The following FABP12 variants were observed in gnomAD, a reference collection of about 807,000 sequenced individuals.
FABP12 encodes the protein fatty acid-binding protein 12.
In FABP12, 19 loss-of-function variants were observed where a neutral mutation model predicts 13.7. That is an observed-to-expected ratio of 1.39 (90% CI 0.97 to 2.04). The LOEUF (loss-of-function observed/expected upper bound fraction) is 2.04. FABP12 is among the 30% of genes most tolerant of loss of function. FABP12 has a pLI of 0.00. For synonymous variants in FABP12, 61 were observed against 57.0 expected, an observed-to-expected ratio of 1.07 and a Z score of -0.32; for missense variants, 182 against 164.2, an observed-to-expected ratio of 1.11 and a Z score of -0.59.
At position 81,590,110 on chromosome 8, in the gene FABP12, C is replaced by T. The variant is rs144129213; in HGVS notation, c.-242G>A. Reference sequence around the variant, plus strand: ...CTGAGGAAAGACCATGGGACTTCCACCTGCATGTTATGCAGAGGCAGCACT... The same window carrying T: ...CTGAGGAAAGACCATGGGACTTCCATCTGCATGTTATGCAGAGGCAGCACT... On this transcript the variant is annotated 5_prime_UTR_variant, in exon 1 of 6. Transcript: ENST00000692030. Among the ~76,000 whole-genome samples, 84 of 152,294 alleles carry T rather than the reference C, an allele frequency of 5.5e-4. No homozygotes were observed. In the East Asian group the frequency reaches 0.012, roughly 22 times the overall value.
intron 1 of FABP12, among the ~76,000 whole-genome samples, chr8:81,542,916 T>G (rs1585842534): frequency 6.6e-6 from 1 of 151,790 alleles, no homozygotes; most frequent in Non-Finnish European, 1.5e-5. Context: ...GGGTGGGAGG[T>G]GTGGAGGACA....
chr8:81,589,301 A>C (rs1020239230), intron 1 of FABP12, among the ~76,000 whole-genome samples: 4 of 152,204 alleles, frequency 2.6e-5, no homozygotes, highest in Non-Finnish European at 4.4e-5. Flanking sequence ...TCATGCCTAT[A>C]ATCTCAGCAC....
At chr8:81,541,471 C>A (rs1280353153) in intron 1 of FABP12, among the ~76,000 whole-genome samples, 1 of 152,024 alleles carries the variant, frequency 6.6e-6, no homozygotes, top group Non-Finnish European at 1.5e-5. Context: ...CTTTTGAGAC[C>A]CCCACGCTCA....
chr8:81,568,681 T>A (rs775721717), intron 1 of FABP12, among the ~76,000 whole-genome samples: 1 of 152,194 alleles, frequency 6.6e-6, no homozygotes, highest in Non-Finnish European at 1.5e-5. Context: ...TACACTCCCA[T>A]GTTTATTGCA....
intron 1 of FABP12, among the ~76,000 whole-genome samples, chr8:81,569,482 G>A (rs937721589): frequency 5.3e-5 from 8 of 152,120 alleles, no homozygotes; most frequent in Admixed American, 3.3e-4. Flanking sequence ...GTTCTGAAGG[G>A]AGCAGGTGAC....
intron 1 of FABP12, among the ~76,000 whole-genome samples, chr8:81,545,913 C>T (rs1809428395): frequency 6.6e-6 from 1 of 152,204 alleles, no homozygotes; most frequent in African/African-American, 2.4e-5. Flanking sequence ...GGTCCACTCT[C>T]TACCTGAATG....
intron 1 of FABP12, among the ~76,000 whole-genome samples, chr8:81,586,873 A>G (rs13269780): frequency 0.019 from 2,910 of 152,198 alleles, 63 homozygotes; most frequent in African/African-American, 0.056. Flanking sequence ...TGGAAGGGCT[A>G]ATGTCCAGAA....
At chr8:81,527,753 G>A (rs558129899) in intron 3 of FABP12, among the ~76,000 whole-genome samples, 1 of 152,238 alleles carries the variant, frequency 6.6e-6, no homozygotes, top group Non-Finnish European at 1.5e-5. Flanking sequence ...CAAAATAAGT[G>A]TGAAACTCCA....
At chr8:81,585,924 CA>C (rs1410597627) in intron 1 of FABP12, among the ~76,000 whole-genome samples, 1 of 152,060 alleles carries the variant, frequency 6.6e-6, no homozygotes, top group South Asian at 2.1e-4. Context: ...GTTTGGTGTA[CA>C]AATAATTTTG....
chr8:81,561,302 C>T (rs1343395184), intron 1 of FABP12, among the ~76,000 whole-genome samples: 1 of 152,124 alleles, frequency 6.6e-6, no homozygotes, highest in Non-Finnish European at 1.5e-5. Context: ...TTGGTCCAAG[C>T]TTAAGTTTGA....
At chr8:81,550,249 C>G (rs1379241435) in intron 1 of FABP12, among the ~76,000 whole-genome samples, 1 of 152,122 alleles carries the variant, frequency 6.6e-6, no homozygotes, top group Non-Finnish European at 1.5e-5. Flanking sequence ...CAACCTTGTT[C>G]TCATTAGAGT....
intron 1 of FABP12, among the ~76,000 whole-genome samples, chr8:81,588,335 A>C (rs1810273453): frequency 6.6e-6 from 1 of 152,188 alleles, no homozygotes; most frequent in Admixed American, 6.5e-5. Context: ...TCCTATTTGG[A>C]TGCCTGTTAT....
intron 1 of FABP12, among the ~76,000 whole-genome samples, chr8:81,541,992 G>A (rs1174807095): frequency 6.8e-6 from 1 of 146,370 alleles, no homozygotes; most frequent in Non-Finnish European, 1.5e-5. Flanking sequence ...ATGTCTAGGA[G>A]CCACTAGAGG....
intron 1 of FABP12, among the ~76,000 whole-genome samples, chr8:81,571,323 C>T (rs1039822008): frequency 6.6e-5 from 10 of 152,212 alleles, no homozygotes; most frequent in African/African-American, 2.2e-4. Flanking sequence ...CAACTTGGGC[C>T]TTGAGTAGCT....
chr8:81,565,456 A>G (rs957267402), intron 1 of FABP12, among the ~76,000 whole-genome samples: 8 of 152,096 alleles, frequency 5.3e-5, no homozygotes, highest in East Asian at 1.9e-4. Context: ...GGCTCTAAAA[A>G]TTCAAAAAAA....
intron 1 of FABP12, among the ~76,000 whole-genome samples, chr8:81,541,994 C>T (rs1054013346): frequency 6.7e-6 from 1 of 148,650 alleles, no homozygotes; most frequent in African/African-American, 2.5e-5. Flanking sequence ...GTCTAGGAGC[C>T]ACTAGAGGCC....
intron 1 of FABP12, among the ~76,000 whole-genome samples, chr8:81,554,494 A>G (rs1307372670): frequency 1.3e-5 from 2 of 152,238 alleles, no homozygotes; most frequent in Non-Finnish European, 2.9e-5. Context: ...ATACATTGAA[A>G]TAACTGAAAT....
chr8:81,587,039 T>C (rs2130114708), intron 1 of FABP12, among the ~76,000 whole-genome samples: 1 of 152,338 alleles, frequency 6.6e-6, no homozygotes, highest in Non-Finnish European at 1.5e-5. Flanking sequence ...GCACCATTTG[T>C]TGAACAGGGA....
chr8:81,545,780 T>C (rs1414255566), intron 1 of FABP12, among the ~76,000 whole-genome samples: 2 of 152,216 alleles, frequency 1.3e-5, no homozygotes, highest in South Asian at 2.1e-4. Flanking sequence ...GACTATATTA[T>C]AGGGATGTTT....
Sources: allele counts gnomAD v4.1 joint callset (sites outside exome capture counted in the v4.1 genomes callset), GRCh38; gene constraint gnomAD v4.1.1; transcripts MANE v1.5; gene names NCBI Gene and HGNC (gene_info 2026-07-23, HGNC 2026-07-21).